Variants in CCSER1 observed in about 807,000 individuals in gnomAD.
The protein encoded by CCSER1 is serine-rich coiled-coil domain-containing protein 1.
In CCSER1, 41 loss-of-function variants were observed where a neutral mutation model predicts 82.0. The ratio of observed to expected loss-of-function variants is 0.50; its 90% CI spans 0.39 to 0.65. The LOEUF (loss-of-function observed/expected upper bound fraction) is 0.65. CCSER1 is among the 30% of genes least tolerant of loss of function. The probability of loss-of-function intolerance (pLI) is 0.00; values close to 1 mark genes in which losing one functional copy is unlikely to be tolerated. For synonymous variants in CCSER1, 414 were observed against 383.9 expected, an observed-to-expected ratio of 1.08 and a Z score of -0.92; for missense variants, 1,119 against 1,064.2, an observed-to-expected ratio of 1.05 and a Z score of -0.72.
At chr4:91,171,052 A>G (rs1372054565) in intron 10 of CCSER1, among the ~76,000 whole-genome samples, 1 of 152,222 alleles carries the variant, frequency 6.6e-6, no homozygotes, top group Non-Finnish European at 1.5e-5. Flanking sequence ...GCAAGAGTGG[A>G]TATCAAATCT....
intron 6 of CCSER1, among the ~76,000 whole-genome samples, chr4:90,706,357 G>T (rs1460016295): frequency 6.6e-6 from 1 of 152,110 alleles, no homozygotes; most frequent in Non-Finnish European, 1.5e-5. Context: ...AAGGCGGGAG[G>T]ATCTCTTAAG....
In CCSER1 at chr4:91,171,458, T is replaced by C. The variant is rs17018156; in HGVS notation, c.2217+85464T>C. On this transcript the variant is annotated intron_variant, in intron 10 of 10. Coordinates refer to ENST00000509176, the MANE Select transcript of CCSER1 (RefSeq NM_001145065.2). ...CTTGGCTGAGTCACAAAGTAAGCAT[T>C]GAGTCAGAAGTCACAGAAATATTAA... 9.9e-3 allele frequency among the ~76,000 whole-genome samples: 1,505 copies of C among 152,314 alleles called. 11 individuals carry two copies. Among genetic ancestry groups the C allele is most frequent in the African/African-American group, 0.024 (1,015 of 41,580 alleles).
chr4:90,313,211 A>T (rs1735614762), intron 3 of CCSER1, 164 bp downstream of exon 3: 1 of 616,614 alleles, frequency 1.6e-6, no homozygotes, highest in Non-Finnish European at 2.8e-6. Context: ...CAAATTTTTC[A>T]CCTAGGTCAG....
chr4:91,323,653 T>G (rs1011392907), intron 10 of CCSER1, among the ~76,000 whole-genome samples: 1 of 152,196 alleles, frequency 6.6e-6, no homozygotes, highest in Non-Finnish European at 1.5e-5. Flanking sequence ...AAAAAGCAGT[T>G]TATCCCTCAT....
chr4:91,423,735 A>C (rs933798270), intron 10 of CCSER1, among the ~76,000 whole-genome samples: 1 of 152,102 alleles, frequency 6.6e-6, no homozygotes, highest in African/African-American at 2.4e-5. Context: ...ATTTTAGCCT[A>C]TAAAAATACT....
intron 10 of CCSER1, among the ~76,000 whole-genome samples, chr4:91,513,245 T>C (rs764401624): frequency 6.6e-6 from 1 of 152,314 alleles, no homozygotes; most frequent in Non-Finnish European, 1.5e-5. Flanking sequence ...TTTTAGTTTT[T>C]AATTCTGCTT....
chr4:90,230,899 A>G (rs1379545101), intron 1 of CCSER1, among the ~76,000 whole-genome samples: 1 of 152,194 alleles, frequency 6.6e-6, no homozygotes, highest in Non-Finnish European at 1.5e-5. Context: ...CTTGACACAT[A>G]CACTCTCCCA....
chr4:90,278,727 A>G (rs1368760734), intron 1 of CCSER1, among the ~76,000 whole-genome samples: 3 of 152,050 alleles, frequency 2.0e-5, no homozygotes, highest in African/African-American at 7.2e-5. Context: ...CTTGGGTACT[A>G]TGCTCACTAC....
At chr4:90,961,884 T>C (rs1445861642) in intron 9 of CCSER1, among the ~76,000 whole-genome samples, 1 of 152,070 alleles carries the variant, frequency 6.6e-6, no homozygotes, top group East Asian at 1.9e-4. Flanking sequence ...TAATTTGGAT[T>C]GACCTTTTTC....
At chr4:90,932,980 A>AAGAGAGAGAG (rs771419830) in intron 9 of CCSER1, among the ~76,000 whole-genome samples, 1 of 21,940 alleles carries the variant, frequency 4.6e-5, no homozygotes, top group Non-Finnish European at 8.5e-5. Context: ...GAAAGAAAGA[A>AAGAGAGAGAG]AGAGAAAGAA....
intron 10 of CCSER1, among the ~76,000 whole-genome samples, chr4:91,371,664 T>C (rs1750060805): frequency 6.6e-6 from 1 of 152,236 alleles, no homozygotes; most frequent in Admixed American, 6.5e-5. Flanking sequence ...TTTGATATAC[T>C]GATTTCTGTT....
rs1746061970 is a variant in CCSER1 at position 90,738,736 on chromosome 4, C to T, written c.2010+14745C>T. Among the ~76,000 whole-genome samples, 5 of 152,140 alleles carry T rather than the reference C, an allele frequency of 3.3e-5. No homozygotes were observed. In the South Asian group the frequency reaches 1.0e-3, roughly 31 times the overall value. ...CCTTCACGGCACTGAGTTTCTCTCT[C>T]CCTGTAGCCAACACTACCCCAGGCC... On this transcript the variant is annotated intron_variant, in intron 7 of 10. Coordinates refer to ENST00000509176, the MANE Select transcript of CCSER1 (RefSeq NM_001145065.2).
rs11726450 is a variant in CCSER1 at position 91,302,236 on chromosome 4, A to G, written c.2217+216242A>G. ...TAAAATCCTCACTTCTGACCTTTGAATATATTCCTCTGCATGGTTTGCCTT... is the reference window on the plus strand; with the variant it reads ...TAAAATCCTCACTTCTGACCTTTGAGTATATTCCTCTGCATGGTTTGCCTT... On this transcript the variant is annotated intron_variant, in intron 10 of 10. Coordinates refer to ENST00000509176, the MANE Select transcript of CCSER1 (RefSeq NM_001145065.2). Among the ~76,000 whole-genome samples the G allele has an allele frequency of 4.1e-4, 63 of 152,072 alleles. 1 individual carries two copies. The East Asian group carries it at 7.4e-3, about 18-fold the overall frequency.
chr4:90,529,491 A>C (rs183991289), intron 5 of CCSER1, among the ~76,000 whole-genome samples: 6 of 152,234 alleles, frequency 3.9e-5, no homozygotes, highest in African/African-American at 1.4e-4. Context: ...TGGCCTCCCA[A>C]AGTACTGGGA....
intron 9 of CCSER1, chr4:91,017,223 G>A (rs1164586978): frequency 6.6e-6 from 1 of 152,158 alleles, no homozygotes; most frequent in East Asian, 1.9e-4. Flanking sequence ...TGATGAGGGA[G>A]AAGTGGAGGC....
chr4:90,873,067 A>G (rs1766763262), intron 8 of CCSER1, among the ~76,000 whole-genome samples: 1 of 151,920 alleles, frequency 6.6e-6, no homozygotes, highest in South Asian at 2.1e-4. Context: ...TGCGGGTTAA[A>G]TCTGCTTGGT....
intron 10 of CCSER1, among the ~76,000 whole-genome samples, chr4:91,552,442 A>C (rs905749087): frequency 5.3e-5 from 8 of 151,724 alleles, no homozygotes; most frequent in Non-Finnish European, 7.4e-5. Context: ...TAACCAATCA[A>C]GTAATTAACA....
intron 5 of CCSER1, among the ~76,000 whole-genome samples, chr4:90,539,971 G>T (rs1775900044): frequency 6.6e-6 from 1 of 151,948 alleles, no homozygotes; most frequent in Non-Finnish European, 1.5e-5. Flanking sequence ...TAAGAAAGGG[G>T]AATAAAAGCA....
rs1326557051 is a variant in CCSER1 at position 90,391,108 on chromosome 4, C to CAAA, written c.1510-8913_1510-8911dup. 5.6e-3 allele frequency among the ~76,000 whole-genome samples: 288 copies of CAAA among 51,868 alleles called. 4 individuals carry two copies. Among genetic ancestry groups the CAAA allele is most frequent in the African/African-American group, 0.017 (272 of 16,290 alleles). The allele number at this position is 51,868 out of a possible 152,430, so 34.0% of individuals were successfully genotyped here. A position where few individuals can be genotyped will look rare whatever the true frequency, so the allele number is the denominator to read the frequency against. On this transcript the variant is annotated intron_variant, in intron 3 of 10. Coordinates refer to ENST00000509176, the MANE Select transcript of CCSER1 (RefSeq NM_001145065.2). ...ATGAAACTCCCCTCTACTAAAAATA[C>CAAA]AAAAAAAAAAAAAAAAAGGCTGAGC...
Sources: gnomAD v4.1 joint callset for allele counts (sites outside exome capture counted in the v4.1 genomes callset) on GRCh38, gnomAD v4.1.1 for gene constraint, MANE v1.5 for transcripts, NCBI Gene and HGNC (gene_info 2026-07-23, HGNC 2026-07-21) for gene names.